Variants in SNRPA1 observed in about 807,000 individuals in gnomAD.
The protein encoded by SNRPA1 is U2 small nuclear ribonucleoprotein A'.
A neutral mutation model predicts 32.3 loss-of-function variants in SNRPA1; 5 were observed. That is an observed-to-expected ratio of 0.15 (90% CI 0.08 to 0.33). The LOEUF is 0.33. Among genes scored for constraint, SNRPA1 ranks in the 10% least tolerant of loss-of-function variants. The pLI, the probability that SNRPA1 is intolerant of heterozygous loss-of-function variation, is 1.00. For missense variants in SNRPA1, 198 were observed against 311.1 expected (o/e 0.64, Z 2.74); for synonymous variants, 111 against 120.1 (o/e 0.92, Z 0.50).
chr15:101,286,420 A>G, intron 5 of SNRPA1, 127 bp from the exon 6 acceptor site: 1 of 698,958 alleles, frequency 1.4e-6, no homozygotes, highest in Non-Finnish European at 2.3e-6. Flanking sequence ...CCAAAAAGCA[A>G]TTTCAAATTA....
chr15:101,291,733 C>T (rs906947040), intron 3 of SNRPA1, among the ~76,000 whole-genome samples: 1 of 152,080 alleles, frequency 6.6e-6, no homozygotes, highest in African/African-American at 2.4e-5. Flanking sequence ...TGGACTGCAC[C>T]TAAATTAGGA....
Position 101,284,960 on chromosome 15 carries a change from T to A in SNRPA1, c.709+7A>T. The A allele has an allele frequency of 6.2e-7, 1 of 1,606,352 alleles. No individual in the cohort carries two copies. The highest frequency in any genetic ancestry group is 8.5e-7 in the Non-Finnish European group (1 of 1,173,032). ...ATTTGAACATACAAAGAACACCATT[T>A]GTTCACCTGATCTGCGTTCTCTGCC... On this transcript the variant is annotated splice_region_variant and intron_variant, in intron 8 of 8. Coordinates refer to ENST00000254193, the MANE Select transcript of SNRPA1 (RefSeq NM_003090.4).
chr15:101,293,080 C>G lies in SNRPA1; in HGVS notation c.175G>C (p.Gly59Arg), dbSNP rs748156963. 1 of 1,612,248 alleles carries G rather than the reference C, an allele frequency of 6.2e-7. No individual in the cohort carries two copies. The highest frequency in any genetic ancestry group is 2.2e-5 in the East Asian group (1 of 44,838). The change falls in exon 2 of 9, where the codon GGT becomes CGT. Residue 59 changes from glycine to arginine, a missense_variant. Physicochemically the swap from Gly to Arg is moderately radical, Grantham distance 125 (BLOSUM62 -2). Coordinates refer to ENST00000254193, the MANE Select transcript of SNRPA1 (RefSeq NM_003090.4). Reference sequence around the variant, plus strand: ...TTCAGTCTTCTCAACAAAGGAAAACCATCCAGTTTCCTGATCTCATTGTCA... The same window carrying G: ...TTCAGTCTTCTCAACAAAGGAAAACGATCCAGTTTCCTGATCTCATTGTCA... ...FSDNEIRKLD[G>R]FPLLRRLKTL...
At chr15:101,288,734 G>A (rs528970397) in intron 3 of SNRPA1, among the ~76,000 whole-genome samples, 1 of 152,290 alleles carries the variant, frequency 6.6e-6, no homozygotes, top group African/African-American at 2.4e-5. Context: ...GCAGGGTGAC[G>A]GCCTTTGTAC....
At chr15:101,288,648 T>C (rs1418869574) in intron 3 of SNRPA1, among the ~76,000 whole-genome samples, 1 of 152,194 alleles carries the variant, frequency 6.6e-6, no homozygotes, top group Non-Finnish European at 1.5e-5. Context: ...ACAACCAAGC[T>C]AGATGGCAAG....
intron 3 of SNRPA1, among the ~76,000 whole-genome samples, chr15:101,291,451 C>T (rs917380440): frequency 6.6e-6 from 1 of 151,874 alleles, no homozygotes; most frequent in Middle Eastern, 3.4e-3. Flanking sequence ...TAATAATATG[C>T]CATTTAACTT....
intron 5 of SNRPA1, 75 bp from the exon 6 acceptor site, chr15:101,286,368 T>C: frequency 7.3e-7 from 1 of 1,374,958 alleles, no homozygotes; most frequent in Non-Finnish European, 1.0e-6. Flanking sequence ...TCAGAAGACA[T>C]GGAAGCGAAC....
At chr15:101,285,136 T>C in intron 7 of SNRPA1, 76 bp from the exon 8 acceptor site, 1 of 995,406 alleles carries the variant, frequency 1.0e-6, no homozygotes, top group South Asian at 1.3e-5. Flanking sequence ...TAAGTGTCAA[T>C]CACCTACAGA....
At chr15:101,286,318 TA>T in intron 5 of SNRPA1, 25 bp from the exon 6 acceptor site, 1 of 1,605,744 alleles carries the variant, frequency 6.2e-7, no homozygotes, top group East Asian at 2.2e-5. Flanking sequence ...CACACAGAGT[TA>T]ATGGAAATAG....
At chr15:101,285,336 A>G (rs1032268371) in intron 7 of SNRPA1, among the ~76,000 whole-genome samples, 1 of 152,222 alleles carries the variant, frequency 6.6e-6, no homozygotes, top group South Asian at 2.1e-4. Context: ...ACTATTTGCA[A>G]TTATGTTACT....
At chr15:101,281,829 C>T in intron 8 of SNRPA1, 47 bp from the exon 9 acceptor site, 1 of 1,563,186 alleles carries the variant, frequency 6.4e-7, no homozygotes, top group Non-Finnish European at 8.8e-7. Context: ...TTAGAGAATC[C>T]ATTCCCTTAG....
intron 1 of SNRPA1, 171 bp from the exon 2 acceptor site, chr15:101,293,343 A>G: frequency 2.0e-6 from 1 of 493,266 alleles, no homozygotes; most frequent in South Asian, 3.9e-5. Context: ...AAGATACTAG[A>G]GAGAAAACGC....
In SNRPA1 at chr15:101,284,954, A is replaced by G; in HGVS notation, c.709+13T>C. On this transcript the variant is annotated intron_variant, in intron 8 of 8. Coordinates refer to ENST00000254193, the MANE Select transcript of SNRPA1 (RefSeq NM_003090.4). The stretch of plus-strand genomic sequence containing the variant: ...ACATTAATTTGAACATACAAAGAAC[A>G]CCATTTGTTCACCTGATCTGCGTTC... The G allele has an allele frequency of 6.3e-7, 1 of 1,596,620 alleles. No individual in the cohort carries two copies. Among genetic ancestry groups the G allele is most frequent in the Non-Finnish European group, 8.6e-7 (1 of 1,164,214 alleles).
At chr15:101,291,018 G>C (rs1365615909) in intron 3 of SNRPA1, among the ~76,000 whole-genome samples, 1 of 151,994 alleles carries the variant, frequency 6.6e-6, no homozygotes, top group Non-Finnish European at 1.5e-5. Context: ...GGGATTACAG[G>C]CATGAGCCAC....
chr15:101,290,058 T>C (rs989604216), intron 3 of SNRPA1: 4 of 152,108 alleles, frequency 2.6e-5, no homozygotes, highest in Admixed American at 2.6e-4. Flanking sequence ...AAAACAAAGA[T>C]TGTTTCGAGG....
chr15:101,290,949 C>G (rs1424979084), intron 3 of SNRPA1, among the ~76,000 whole-genome samples: 7 of 152,044 alleles, frequency 4.6e-5, no homozygotes, highest in African/African-American at 9.7e-5. Context: ...ACCATATTGC[C>G]CAGGCTGGTC....
intron 1 of SNRPA1, among the ~76,000 whole-genome samples, chr15:101,294,602 C>A (rs1280604108): frequency 6.6e-6 from 1 of 152,190 alleles, no homozygotes; most frequent in Non-Finnish European, 1.5e-5. Flanking sequence ...ACAATTAAAG[C>A]TACTAAGTAG....
intron 6 of SNRPA1, 106 bp from the exon 7 acceptor site, chr15:101,285,907 C>G: frequency 1.2e-6 from 1 of 810,582 alleles, no homozygotes; most frequent in East Asian, 2.6e-5. Context: ...AGTATCTTAT[C>G]TTTGTTAACA....
At chr15:101,293,238 T>C (rs2039547501) in intron 1 of SNRPA1, 66 bp from the exon 2 acceptor site, 4 of 1,116,226 alleles carry the variant, frequency 3.6e-6, no homozygotes, top group Non-Finnish European at 5.1e-6. Flanking sequence ...CTTAAAGCAT[T>C]AGCTGTATTT....
Sources: gnomAD v4.1 joint callset for allele counts (sites outside exome capture counted in the v4.1 genomes callset) on GRCh38, gnomAD v4.1.1 for gene constraint, MANE v1.5 for transcripts, NCBI Gene and HGNC (gene_info 2026-07-23, HGNC 2026-07-21) for gene names.